INSR: variants seen among roughly 807,000 people sequenced by gnomAD.
INSR encodes insulin receptor, also known as IR.
INSR carries 67 observed loss-of-function variants against 142.6 expected under a neutral mutation model. The observed-to-expected ratio is 0.47, with a 90% confidence interval of 0.39 to 0.58. The LOEUF (loss-of-function observed/expected upper bound fraction) is 0.58, where lower values mean the gene tolerates loss of function less well. Ranked by LOEUF, INSR falls within the 20% of genes least tolerant of loss-of-function variation. INSR has a pLI of 0.00. For synonymous variants in INSR, 756 were observed against 743.1 expected (o/e 1.02, Z -0.28); for missense variants, 1,248 against 1,833.2 (o/e 0.68, Z 5.83).
intron 2 of INSR, among the ~76,000 whole-genome samples, chr19:7,250,525 G>A (rs375604715): frequency 2.1e-5 from 3 of 139,662 alleles, no homozygotes; most frequent in African/African-American, 7.8e-5. Context: ...GGGAGGAAGG[G>A]AGAGGGAGGG....
chr19:7,126,761 C>A, intron 15 of INSR, 110 bp from the exon 16 acceptor site: 1 of 978,458 alleles, frequency 1.0e-6, no homozygotes, highest in Non-Finnish European at 1.6e-6. Context: ...CAGCAGAATC[C>A]CCATAATCCT....
chr19:7,231,090 G>A (rs1315956255), intron 2 of INSR, among the ~76,000 whole-genome samples: 4 of 152,136 alleles, frequency 2.6e-5, no homozygotes, highest in Admixed American at 6.5e-5. Context: ...ACACCAGCTC[G>A]CTGATTTCCA....
At chr19:7,275,483 A>G (rs2145226210) in intron 1 of INSR, among the ~76,000 whole-genome samples, 1 of 152,216 alleles carries the variant, frequency 6.6e-6, no homozygotes, top group South Asian at 2.1e-4. Context: ...AATTAAAGTG[A>G]AAATAAAATT....
At chr19:7,198,001 ATGG>A (rs1471006467) in intron 2 of INSR, among the ~76,000 whole-genome samples, 1 of 124,748 alleles carries the variant, frequency 8.0e-6, no homozygotes, top group African/African-American at 2.9e-5. Context: ...GTGTGTGTCC[ATGG>A]TGGGCGAGCG....
intron 9 of INSR, among the ~76,000 whole-genome samples, chr19:7,161,060 A>C (rs1483278084): frequency 6.7e-6 from 1 of 149,796 alleles, no homozygotes; most frequent in Non-Finnish European, 1.5e-5. Flanking sequence ...CACTAGTTTG[A>C]GACTTTAAAT....
intron 2 of INSR, among the ~76,000 whole-genome samples, chr19:7,251,074 T>C (rs1976712703): frequency 6.6e-6 from 1 of 152,024 alleles, no homozygotes; most frequent in African/African-American, 2.4e-5. Context: ...TGTCTCTGCA[T>C]TGCAGGACGT....
At position 7,119,387 on chromosome 19, in the gene INSR, G is replaced by T; in HGVS notation, c.3794+62C>A. 1 of 1,598,182 alleles carries T rather than the reference G, an allele frequency of 6.3e-7. No individual in the cohort carries two copies. Among genetic ancestry groups the T allele is most frequent in the Non-Finnish European group, 8.6e-7 (1 of 1,166,202 alleles). ...ATAGGAAAGGCAAAACCAAGCACAC[G>T]TGTAAAGGGCAATACCCTTTCAACG... On this transcript the variant is annotated intron_variant, in intron 21 of 21. Coordinates refer to ENST00000302850, the MANE Select transcript of INSR (RefSeq NM_000208.4). This position sits in a 1 kb window ranked among gnomAD's most constrained non-coding sequence, Gnocchi z 5.2.
At chr19:7,266,173 C>T (rs1325700655) in intron 2 of INSR, among the ~76,000 whole-genome samples, 1 of 152,200 alleles carries the variant, frequency 6.6e-6, no homozygotes, top group African/African-American at 2.4e-5. Context: ...TTTCAAATAA[C>T]ACTCAAAGCT....
At chr19:7,220,486 G>A (rs537862799) in intron 2 of INSR, among the ~76,000 whole-genome samples, 4 of 152,054 alleles carry the variant, frequency 2.6e-5, no homozygotes, top group East Asian at 1.9e-4. Flanking sequence ...ACGGGGTTTC[G>A]CCATGTTGGC....
intron 1 of INSR, among the ~76,000 whole-genome samples, chr19:7,287,711 G>C (rs768158483): frequency 1.3e-5 from 2 of 152,030 alleles, no homozygotes; most frequent in Non-Finnish European, 2.9e-5. Flanking sequence ...CATCTCTTGC[G>C]GTGTAAAGAG....
intron 2 of INSR, among the ~76,000 whole-genome samples, chr19:7,201,087 G>C (rs1278179657): frequency 6.6e-6 from 1 of 151,980 alleles, no homozygotes; most frequent in African/African-American, 2.4e-5. Flanking sequence ...CTTTTTACAA[G>C]TTGTTGAGTT....
chr19:7,272,371 G>A (rs1440688452), intron 1 of INSR, among the ~76,000 whole-genome samples: 11 of 151,960 alleles, frequency 7.2e-5, no homozygotes, highest in African/African-American at 2.2e-4. Flanking sequence ...TAATCCCAGC[G>A]CTTTGGGAGG....
At chr19:7,148,984 G>A (rs1221478499) in intron 11 of INSR, among the ~76,000 whole-genome samples, 2 of 151,082 alleles carry the variant, frequency 1.3e-5, no homozygotes, top group Non-Finnish European at 2.9e-5. Flanking sequence ...TTGTAGTAAC[G>A]GGGTTTCACC....
chr19:7,254,112 A>C (rs1976819661), intron 2 of INSR, among the ~76,000 whole-genome samples: 1 of 152,074 alleles, frequency 6.6e-6, no homozygotes, highest in South Asian at 2.1e-4. Flanking sequence ...TGACACCTGT[A>C]ATCCTAACAC....
intron 13 of INSR, among the ~76,000 whole-genome samples, chr19:7,135,418 C>T (rs1388123713): frequency 3.7e-5 from 5 of 135,434 alleles, no homozygotes; most frequent in South Asian, 2.4e-4. Flanking sequence ...CGAGTTCAAG[C>T]GATTCTCCTG....
intron 2 of INSR, among the ~76,000 whole-genome samples, chr19:7,244,732 A>G (rs991462095): frequency 1.3e-5 from 2 of 152,170 alleles, no homozygotes; most frequent in African/African-American, 4.8e-5. Context: ...AGTTCTGTTT[A>G]GAAATAACTC....
chr19:7,158,775 C>T (rs896757773), intron 9 of INSR, among the ~76,000 whole-genome samples: 1 of 151,960 alleles, frequency 6.6e-6, no homozygotes, highest in East Asian at 1.9e-4. Flanking sequence ...TATATTTTAC[C>T]GTGGTAACAA....
chr19:7,276,060 G>T (rs1968054808), intron 1 of INSR, among the ~76,000 whole-genome samples: 1 of 152,106 alleles, frequency 6.6e-6, no homozygotes. Flanking sequence ...GGCAGAGAAA[G>T]AACTTTCTAG....
At chr19:7,189,045 A>T (rs1337491739) in intron 2 of INSR, among the ~76,000 whole-genome samples, 3 of 152,150 alleles carry the variant, frequency 2.0e-5, no homozygotes, top group South Asian at 4.1e-4. Flanking sequence ...TATAATTATC[A>T]TAATTATCAA....
Sources: allele counts gnomAD v4.1 joint callset (sites outside exome capture counted in the v4.1 genomes callset), GRCh38; gene constraint gnomAD v4.1.1; non-coding constraint Gnocchi (gnomAD v3.1); transcripts MANE v1.5; gene names NCBI Gene and HGNC (gene_info 2026-07-23, HGNC 2026-07-21).